TLR5: variants seen among roughly 807,000 people sequenced by gnomAD.
TLR5 encodes the protein toll-like receptor 5.
For synonymous variants in TLR5, 373 were observed against 384.4 expected (o/e 0.97, Z 0.35); for missense variants, 944 against 999.8 (o/e 0.94, Z 0.75).
chr1:223,134,935 C>G (rs557838979), intron 3 of TLR5, 71 bp from the exon 4 acceptor site: 2 of 151,990 alleles, frequency 1.3e-5, no homozygotes, highest in Admixed American at 6.6e-5. Context: ...AAATTGGAAA[C>G]AGCTGGGGTG....
chr1:223,137,682 A>C (rs1381397168), intron 2 of TLR5, among the ~76,000 whole-genome samples: 1 of 152,212 alleles, frequency 6.6e-6, no homozygotes, highest in African/African-American at 2.4e-5. Flanking sequence ...AGGAAGGTTT[A>C]AATGAAATAT....
chr1:223,141,782 TAC>T lies in TLR5; in HGVS notation c.-554-21_-554-20del, dbSNP rs1657854610. The T allele has an allele frequency of 1.2e-4, 2 of 17,278 alleles. No homozygotes were observed. Among genetic ancestry groups the T allele is most frequent in the South Asian group, 3.2e-3 (1 of 310 alleles). 1.1% of individuals were successfully genotyped at this position (17,278 alleles called of 1,614,324 possible). On this transcript the variant is annotated intron_variant, in intron 1 of 5. Transcript: ENST00000642603. ...AGTGAGACTGTCTCAAAAAAAAAAT[TAC>T]ATATATATATATATATATATATATA...
At position 223,110,763 on chromosome 1, in the gene TLR5, G is replaced by A; in HGVS notation, c.2269C>T (p.Leu757Phe). ...TCTCTAAGGAAGTGTCTGCTCACAA[G>A]ACAAACGATCTTTCTACTGTTCCAG... ...AIWNSRKIVC[L>F]VSRHFLRDGW... is the part of the protein sequence containing the mutation. Residue 757 changes from leucine (L) to phenylalanine (F), a missense_variant, in exon 6 of 6, where the codon CTT (leucine) becomes TTT (phenylalanine). By Grantham distance (22) the Leu-to-Phe change is conservative. Coordinates refer to ENST00000642603, the MANE Select transcript of TLR5 (RefSeq NM_003268.6). 9 of 1,614,238 alleles carry A rather than the reference G, an allele frequency of 5.6e-6. No individual in the cohort carries two copies. The highest frequency in any genetic ancestry group is 7.6e-6 in the Non-Finnish European group (9 of 1,180,038).
At position 223,112,482 on chromosome 1, in the gene TLR5, G is replaced by A. The variant is rs1656405149; in HGVS notation, c.550C>T (p.Leu184Phe). 1.2e-6 allele frequency: 2 copies of A among 1,614,084 alleles called. No homozygotes were observed. The highest frequency in any genetic ancestry group is 1.3e-5 in the African/African-American group (1 of 74,920). Residue 184 changes from leucine to phenylalanine, a missense_variant, in exon 6 of 6, where the codon CTT (leucine) becomes TTT (phenylalanine). By Grantham distance (22) the Leu-to-Phe change is conservative. Transcript: ENST00000642603. ...SIDFSSNQIF[L>F]VCEHELEPLQ... ...GGCTCGAGCTCATGTTCACATACAA[G>A]GAATATTTGGTTGGAGGAAAAATCT...
chr1:223,117,795 G>T (rs1172320142), intron 5 of TLR5, among the ~76,000 whole-genome samples: 1 of 152,078 alleles, frequency 6.6e-6, no homozygotes, highest in African/African-American at 2.4e-5. Context: ...ATAGGGGTGG[G>T]TATCACCCCT....
rs1656252177 is a variant in TLR5, at chr1:223,110,340, T to C, written c.*115A>G. ...AATTGAGAGATTTATGTTGTTTTCATAGTAGCAAAAAGAAAAAAAAAACCT... is the reference window on the plus strand; with the variant it reads ...AATTGAGAGATTTATGTTGTTTTCACAGTAGCAAAAAGAAAAAAAAAACCT... On this transcript the variant is annotated 3_prime_UTR_variant, in exon 6 of 6. Coordinates refer to ENST00000642603, the MANE Select transcript of TLR5 (RefSeq NM_003268.6). 4.9e-6 allele frequency: 5 copies of C among 1,025,782 alleles called. No homozygotes were observed. Among genetic ancestry groups the C allele is most frequent in the South Asian group, 2.8e-5 (2 of 70,648 alleles). The allele number at this position is 1,025,782 out of a possible 1,614,324, so 63.5% of individuals were successfully genotyped here.
At chr1:223,114,006 C>G (rs1656501574) in intron 5 of TLR5, among the ~76,000 whole-genome samples, 1 of 152,328 alleles carries the variant, frequency 6.6e-6, no homozygotes, top group Admixed American at 6.5e-5. Flanking sequence ...ACTCCACACA[C>G]AGTCCATCCC....
chr1:223,116,259 G>A (rs1210229384), intron 5 of TLR5, among the ~76,000 whole-genome samples: 1 of 152,258 alleles, frequency 6.6e-6, no homozygotes, highest in South Asian at 2.1e-4. Flanking sequence ...AAGGTGGTGT[G>A]TCTGGGATTT....
At chr1:223,133,516 G>A (rs1220893028) in intron 4 of TLR5, among the ~76,000 whole-genome samples, 3 of 152,118 alleles carry the variant, frequency 2.0e-5, no homozygotes, top group East Asian at 3.9e-4. Flanking sequence ...CACTGTTAGC[G>A]GTGAGAACCT....
Position 223,110,883 on chromosome 1 carries a change from T to C in TLR5, c.2149A>G (p.Thr717Ala). The C allele has an allele frequency of 6.2e-7, 1 of 1,614,234 alleles. No homozygotes were observed. Among genetic ancestry groups the C allele is most frequent in the Non-Finnish European group, 8.5e-7 (1 of 1,180,038 alleles). The change falls in exon 6 of 6, where the codon ACT (threonine) becomes GCT (alanine). Residue 717 changes from threonine to alanine, a missense_variant. By Grantham distance (58) the Thr-to-Ala change is moderately conservative. Transcript: ENST00000642603. Reference sequence around the variant, plus strand: ...AATCTGTTTTGGTCACTGTATTGAGTGTCCAGGTGTTTGAGCAAAGCATTC... The same window carrying C: ...AATCTGTTTTGGTCACTGTATTGAGCGTCCAGGTGTTTGAGCAAAGCATTC... Reference protein sequence around the residue: ...VQNALLKHLDTQYSDQNRFNL... With the variant: ...VQNALLKHLDAQYSDQNRFNL...
At chr1:223,130,521 G>A (rs758100207) in intron 5 of TLR5, among the ~76,000 whole-genome samples, 1 of 152,132 alleles carries the variant, frequency 6.6e-6, no homozygotes, top group Non-Finnish European at 1.5e-5. Flanking sequence ...TGGGTTCCTT[G>A]GATGGGCCGG....
Position 223,111,327 on chromosome 1 carries a change from C to A in TLR5, c.1705G>T (p.Val569Leu). The A allele has an allele frequency of 6.2e-7, 1 of 1,614,106 alleles. No individual in the cohort carries two copies. The highest frequency in any genetic ancestry group is 8.5e-7 in the Non-Finnish European group (1 of 1,180,022). The change falls in exon 6 of 6, where the codon GTA becomes TTA. Residue 569 changes from valine (V) to leucine (L), a missense_variant. Physicochemically the swap from Val to Leu is conservative, Grantham distance 32. Transcript: ENST00000642603. ...QLLAPNPDVFVSLSVLDITHN... is the reference protein window; with the variant it reads ...QLLAPNPDVFLSLSVLDITHN... Reference sequence around the variant, plus strand: ...GTTATATCCAAGACACTAAGTGATACAAATACATCAGGATTAGGAGCTAGG... The same window carrying A: ...GTTATATCCAAGACACTAAGTGATAAAAATACATCAGGATTAGGAGCTAGG...
Position 223,112,639 on chromosome 1 carries a change from G to A in TLR5, c.393C>T (p.Leu131=). The part of the protein sequence containing the change: ...LFELRLYFCG[L]SDAVLKDGYF... Reference sequence around the variant, plus strand: ...AACCATCTTTCAATACAGCATCAGAGAGACCACAGAAATACAGTCTAAGTT... The same window carrying A: ...AACCATCTTTCAATACAGCATCAGAAAGACCACAGAAATACAGTCTAAGTT... Residue 131 remains leucine (L), a synonymous_variant, in exon 6 of 6, where the codon CTC becomes CTT. Coordinates refer to ENST00000642603, the MANE Select transcript of TLR5 (RefSeq NM_003268.6). 6.2e-7 allele frequency: 1 copy of A among 1,614,212 alleles called. No homozygotes were observed.
intron 5 of TLR5, among the ~76,000 whole-genome samples, chr1:223,115,424 A>G (rs1656578618): frequency 6.6e-6 from 1 of 152,062 alleles, no homozygotes. Context: ...TAATTTTTGT[A>G]TTTTTAGTAG....
intron 2 of TLR5, among the ~76,000 whole-genome samples, chr1:223,138,690 G>C (rs144866185): frequency 1.3e-5 from 2 of 152,102 alleles, no homozygotes; most frequent in Non-Finnish European, 2.9e-5. Context: ...AAATTTTTGC[G>C]TAGTACTCAG....
intron 5 of TLR5, among the ~76,000 whole-genome samples, chr1:223,116,252 G>A (rs557545193): frequency 1.1e-4 from 16 of 152,230 alleles, no homozygotes; most frequent in Middle Eastern, 3.4e-3. Flanking sequence ...GTTCTTAAAG[G>A]TGGTGTGTCT....
intron 5 of TLR5, among the ~76,000 whole-genome samples, chr1:223,126,092 G>A (rs1321928807): frequency 6.6e-6 from 1 of 152,084 alleles, no homozygotes; most frequent in African/African-American, 2.4e-5. Flanking sequence ...GTCAAAGGGT[G>A]GAAACAACCC....
chr1:223,128,047 T>C (rs2102913203), intron 5 of TLR5: 1 of 152,336 alleles, frequency 6.6e-6, no homozygotes, highest in South Asian at 2.1e-4. Context: ...CTGAGAACCA[T>C]GAGGCTAGAG....
chr1:223,118,987 C>G (rs1656810843), intron 5 of TLR5, among the ~76,000 whole-genome samples: 1 of 152,030 alleles, frequency 6.6e-6, no homozygotes, highest in Admixed American at 6.6e-5. Context: ...GTCTGAAATC[C>G]TAGCTACTCA....
Sources: allele counts gnomAD v4.1 joint callset (sites outside exome capture counted in the v4.1 genomes callset), GRCh38; gene constraint gnomAD v4.1.1; transcripts MANE v1.5; gene names NCBI Gene and HGNC (gene_info 2026-07-23, HGNC 2026-07-21).